CACNA2D1: variants seen among roughly 807,000 people sequenced by gnomAD.
CACNA2D1 encodes voltage-dependent calcium channel subunit alpha-2/delta-1.
Under a neutral mutation model 171.5 loss-of-function variants are expected in CACNA2D1, and 53 were observed. That is an observed-to-expected ratio of 0.31 (90% CI 0.25 to 0.39). CACNA2D1 has a LOEUF of 0.39. Ranked by LOEUF, CACNA2D1 falls within the 10% of genes least tolerant of loss-of-function variation. The pLI, the probability that CACNA2D1 is intolerant of heterozygous loss-of-function variation, is 1.00. For synonymous variants in CACNA2D1, 442 were observed against 443.1 expected, an observed-to-expected ratio of 1.00 and a Z score of 0.03; for missense variants, 903 against 1,299.8, an observed-to-expected ratio of 0.69 and a Z score of 4.69.
chr7:82,029,787 T>A (rs1357699475), intron 12 of CACNA2D1: 2 of 151,828 alleles, frequency 1.3e-5, no homozygotes, highest in Admixed American at 6.6e-5. Flanking sequence ...ATCACAGAAC[T>A]TTGTTATAGC....
intron 1 of CACNA2D1, among the ~76,000 whole-genome samples, chr7:82,356,613 T>C (rs1236789556): frequency 6.6e-6 from 1 of 152,146 alleles, no homozygotes; most frequent in East Asian, 1.9e-4. Context: ...TAAGTATTTA[T>C]TGAATAGAAA....
chr7:82,355,289 T>A (rs1429202985), intron 1 of CACNA2D1, among the ~76,000 whole-genome samples: 2 of 152,166 alleles, frequency 1.3e-5, no homozygotes, highest in Non-Finnish European at 2.9e-5. Context: ...GCAACTCATG[T>A]ATATCTGGTT....
At chr7:82,182,687 C>A (rs935782672) in intron 3 of CACNA2D1, among the ~76,000 whole-genome samples, 1 of 151,834 alleles carries the variant, frequency 6.6e-6, no homozygotes, top group Admixed American at 6.6e-5. Context: ...CTTTACAAAT[C>A]TTTTCATTCA....
chr7:82,287,203 AT>A (rs1295041494), intron 3 of CACNA2D1, among the ~76,000 whole-genome samples: 2 of 152,062 alleles, frequency 1.3e-5, no homozygotes, highest in African/African-American at 4.8e-5. Flanking sequence ...AGTCCCTGAC[AT>A]ACAAATATAT....
At chr7:82,012,531 A>G (rs1245557294) in intron 14 of CACNA2D1, among the ~76,000 whole-genome samples, 1 of 152,116 alleles carries the variant, frequency 6.6e-6, no homozygotes, top group Non-Finnish European at 1.5e-5. Context: ...CCAGTAAGTG[A>G]AATACGTTCC....
At chr7:81,985,104 A>G (rs1390078058) in intron 21 of CACNA2D1, among the ~76,000 whole-genome samples, 1 of 152,060 alleles carries the variant, frequency 6.6e-6, no homozygotes, top group Admixed American at 6.6e-5. Flanking sequence ...CCATTTGGAC[A>G]CACTTCCTTA....
In CACNA2D1 at chr7:82,116,969, T is replaced by C. The variant is rs1012657419; in HGVS notation, c.526+75A>G. ...ACAATGTCACATTTGCTCTTTTTTT[T>C]CCCCCTCAAACATGGGAAACATAAG... On this transcript the variant is annotated intron_variant, in intron 6 of 38. Coordinates refer to ENST00000356860, the MANE Select transcript of CACNA2D1 (RefSeq NM_000722.4). The C allele has an allele frequency of 5.3e-6, 8 of 1,503,572 alleles. No individual in the cohort carries two copies. In the African/African-American group the frequency reaches 5.5e-5, roughly 10 times the overall value. The allele number at this position is 1,503,572 out of a possible 1,614,324, so 93.1% of individuals were successfully genotyped here.
At chr7:82,315,877 G>T (rs1815056831) in intron 3 of CACNA2D1, among the ~76,000 whole-genome samples, 1 of 151,982 alleles carries the variant, frequency 6.6e-6, no homozygotes, top group African/African-American at 2.4e-5. Context: ...TTTTTCTTAA[G>T]AAGTTTTAGT....
chr7:81,987,007 A>C (rs191915609), intron 21 of CACNA2D1, among the ~76,000 whole-genome samples: 9 of 152,298 alleles, frequency 5.9e-5, no homozygotes, highest in Non-Finnish European at 1.5e-5. Flanking sequence ...ACAACTGCTA[A>C]AGTGTCACTG....
chr7:82,051,511 A>G (rs1175859027), intron 10 of CACNA2D1, among the ~76,000 whole-genome samples: 1 of 152,170 alleles, frequency 6.6e-6, no homozygotes, highest in Non-Finnish European at 1.5e-5. Context: ...TTTTATAATG[A>G]CTGTGAATTG....
At chr7:82,140,370 A>C (rs1244734666) in intron 4 of CACNA2D1, among the ~76,000 whole-genome samples, 1 of 152,194 alleles carries the variant, frequency 6.6e-6, no homozygotes, top group Non-Finnish European at 1.5e-5. Flanking sequence ...TACAAACCTC[A>C]TATGATAAAT....
intron 6 of CACNA2D1, among the ~76,000 whole-genome samples, chr7:82,091,442 C>T (rs1480324730): frequency 6.6e-6 from 1 of 152,156 alleles, no homozygotes; most frequent in Non-Finnish European, 1.5e-5. Flanking sequence ...ACTTTAGTTT[C>T]CTGCGGATTG....
intron 10 of CACNA2D1, among the ~76,000 whole-genome samples, chr7:82,054,722 C>G (rs1233137520): frequency 6.6e-6 from 1 of 152,136 alleles, no homozygotes; most frequent in Non-Finnish European, 1.5e-5. Flanking sequence ...TCCTAAATTA[C>G]ATACGGCAAC....
At chr7:82,070,904 C>G (rs1368559460) in intron 7 of CACNA2D1, among the ~76,000 whole-genome samples, 2 of 151,906 alleles carry the variant, frequency 1.3e-5, no homozygotes, top group African/African-American at 4.8e-5. Flanking sequence ...TCAAGTAATC[C>G]ACCACAGAGA....
rs181262965 is a variant in CACNA2D1, at chr7:81,950,073, T to G, written c.*319A>C. 1 of 302,632 alleles carries G rather than the reference T, an allele frequency of 3.3e-6. No individual in the cohort carries two copies. Among genetic ancestry groups the G allele is most frequent in the Admixed American group, 4.6e-5 (1 of 21,550 alleles). 18.7% of individuals were successfully genotyped at this position (302,632 alleles called of 1,614,324 possible). On this transcript the variant is annotated 3_prime_UTR_variant, in exon 39 of 39. Coordinates refer to ENST00000356860, the MANE Select transcript of CACNA2D1 (RefSeq NM_000722.4). ...GACATTTCTTATGGTTCATTAACAA[T>G]TGTATGGGGAACCCTTTCACATGTA...
In CACNA2D1 at chr7:82,443,766, C is replaced by G; in HGVS notation, c.-307G>C. 1.8e-6 allele frequency: 2 copies of G among 1,111,014 alleles called. No individual in the cohort carries two copies. The highest frequency in any genetic ancestry group is 1.1e-6 in the Non-Finnish European group (1 of 878,446). 68.8% of individuals were successfully genotyped at this position (1,111,014 alleles called of 1,614,324 possible). ...ACCTCGGCGAGCCCGCCGGCGCTCG[C>G]GCGCTCTCGCTCTCCCTCTCGGTTT... On this transcript the variant is annotated 5_prime_UTR_variant, in exon 1 of 39. Transcript: ENST00000356860.
chr7:82,189,780 C>A (rs959047987), intron 3 of CACNA2D1, among the ~76,000 whole-genome samples: 2 of 151,798 alleles, frequency 1.3e-5, no homozygotes, highest in Non-Finnish European at 2.9e-5. Context: ...AAAATTTCAA[C>A]TTTCATTCAT....
chr7:82,021,445 ATGT>A (rs1397578213), intron 12 of CACNA2D1, among the ~76,000 whole-genome samples: 1 of 152,112 alleles, frequency 6.6e-6, no homozygotes, highest in African/African-American at 2.4e-5. Flanking sequence ...TAGGAAAATA[ATGT>A]TGTTTTTAAT....
chr7:82,242,654 T>C (rs941579143), intron 3 of CACNA2D1, among the ~76,000 whole-genome samples: 3 of 152,180 alleles, frequency 2.0e-5, no homozygotes, highest in Non-Finnish European at 2.9e-5. Flanking sequence ...AGAGATCTTA[T>C]TCAGAAAATC....
Sources: gnomAD v4.1 joint callset for allele counts (sites outside exome capture counted in the v4.1 genomes callset) on GRCh38, gnomAD v4.1.1 for gene constraint, MANE v1.5 for transcripts, NCBI Gene and HGNC (gene_info 2026-07-23, HGNC 2026-07-21) for gene names.